The following TAFA2 variants were observed in gnomAD, a reference collection of about 807,000 sequenced individuals.
The protein encoded by TAFA2 is TAFA chemokine like family member 2, also known as chemokine-like protein TAFA-2.
In TAFA2, 7 loss-of-function variants were observed where a neutral mutation model predicts 18.8. The observed-to-expected ratio is 0.37, with a 90% CI of 0.21 to 0.70. The LOEUF (loss-of-function observed/expected upper bound fraction) is 0.70. Among genes scored for constraint, TAFA2 ranks in the 30% least tolerant of loss-of-function variants. The probability of loss-of-function intolerance (pLI) is 0.53; values close to 1 mark genes in which losing one functional copy is unlikely to be tolerated. For missense variants in TAFA2, 122 were observed against 158.1 expected, an observed-to-expected ratio of 0.77 and a Z score of 1.23; for synonymous variants, 60 against 54.2, an observed-to-expected ratio of 1.11 and a Z score of -0.47.
At chr12:62,217,631 T>A (rs909576522) in intron 1 of TAFA2, among the ~76,000 whole-genome samples, 1 of 152,194 alleles carries the variant, frequency 6.6e-6, no homozygotes, top group Non-Finnish European at 1.5e-5. Context: ...CAGCCCTTCC[T>A]TCAAAGTAGG....
intron 1 of TAFA2, chr12:62,258,519 C>G (rs1483578034): frequency 6.5e-6 from 1 of 154,286 alleles, no homozygotes; most frequent in African/African-American, 2.4e-5. Context: ...GCCTTCAAAG[C>G]CCCTAACACC....
At chr12:61,965,027 T>C (rs1879020759) in intron 1 of TAFA2, among the ~76,000 whole-genome samples, 1 of 151,848 alleles carries the variant, frequency 6.6e-6, no homozygotes, top group African/African-American at 2.4e-5. Context: ...ATCAAGAAGG[T>C]AGAATAGACG....
intron 1 of TAFA2, among the ~76,000 whole-genome samples, chr12:62,081,550 T>A (rs1436618862): frequency 6.6e-6 from 1 of 152,072 alleles, no homozygotes; most frequent in African/African-American, 2.4e-5. Flanking sequence ...GGTGGTGCAA[T>A]CTCGACTCAC....
chr12:62,132,612 T>C (rs1294529988), intron 1 of TAFA2, among the ~76,000 whole-genome samples: 2 of 152,016 alleles, frequency 1.3e-5, no homozygotes, highest in Admixed American at 1.3e-4. Flanking sequence ...AAGTAATTTG[T>C]TTTAAAATGT....
Position 61,835,784 on chromosome 12 carries a change from G to T in TAFA2, c.106+31536C>A, listed in dbSNP as rs559760748. ...AAGTAAAATATTACTGAATAAAATG[G>T]TGCAAACATTTTGTTCCTTCCTTCA... On this transcript the variant is annotated intron_variant, in intron 2 of 4. Coordinates refer to ENST00000416284, the MANE Select transcript of TAFA2 (RefSeq NM_178539.5). Among the ~76,000 whole-genome samples, 17 of 151,916 alleles carry T rather than the reference G, an allele frequency of 1.1e-4. No homozygotes were observed. The East Asian group carries it at 3.3e-3, about 30-fold the overall frequency.
chr12:62,115,276 C>T (rs936059810), intron 1 of TAFA2, among the ~76,000 whole-genome samples: 2 of 152,132 alleles, frequency 1.3e-5, no homozygotes, highest in African/African-American at 4.8e-5. Flanking sequence ...CCCCAGGCCC[C>T]ACTTTCCAAG....
At chr12:62,210,452 T>C (rs1431916496) in intron 1 of TAFA2, among the ~76,000 whole-genome samples, 1 of 152,214 alleles carries the variant, frequency 6.6e-6, no homozygotes, top group Non-Finnish European at 1.5e-5. Flanking sequence ...TCATTCAACA[T>C]TGTCAAAATG....
chr12:61,880,202 A>G, intron 1 of TAFA2: 1 of 507,498 alleles, frequency 2.0e-6, no homozygotes, highest in Non-Finnish European at 3.7e-6. Context: ...GATGCTGGCC[A>G]GGAAGCACGG....
intron 1 of TAFA2, chr12:62,234,853 A>T: frequency 9.5e-7 from 1 of 1,052,566 alleles, no homozygotes; most frequent in Non-Finnish European, 1.5e-6. Context: ...TCCTAAAACC[A>T]GCAATGACTG....
chr12:61,891,267 A>G (rs1264010300), intron 1 of TAFA2, among the ~76,000 whole-genome samples: 2 of 152,204 alleles, frequency 1.3e-5, no homozygotes, highest in African/African-American at 4.8e-5. Flanking sequence ...CAGCAGCAGA[A>G]GCAGAGGCAG....
At chr12:62,168,945 T>TCC (rs1555195550) in intron 1 of TAFA2, among the ~76,000 whole-genome samples, 1 of 148,836 alleles carries the variant, frequency 6.7e-6, no homozygotes, top group Admixed American at 6.7e-5. Context: ...ACTCACTCTC[T>TCC]ACACACACAC....
intron 1 of TAFA2, among the ~76,000 whole-genome samples, chr12:62,058,818 C>G (rs1882257997): frequency 6.6e-6 from 1 of 152,102 alleles, no homozygotes; most frequent in South Asian, 2.1e-4. Context: ...AAAAATATAT[C>G]TGAGTGCGGG....
chr12:62,182,724 G>A lies in TAFA2; in HGVS notation c.-2+8535C>T, dbSNP rs1193620750. On this transcript the variant is annotated intron_variant, in intron 1 of 4. Coordinates refer to ENST00000416284, the MANE Select transcript of TAFA2 (RefSeq NM_178539.5). Reference sequence around the variant, plus strand: ...CCATTTGTGTCACCCTCCATTTGAGGACAGACCTTGTGAGCTAGAATCAAT... The same window carrying A: ...CCATTTGTGTCACCCTCCATTTGAGAACAGACCTTGTGAGCTAGAATCAAT... 2.0e-5 allele frequency among the ~76,000 whole-genome samples: 3 copies of A among 152,144 alleles called. No individual in the cohort carries two copies. The East Asian group carries it at 5.8e-4, about 29-fold the overall frequency.
At chr12:61,931,221 G>A (rs561760612) in intron 1 of TAFA2, among the ~76,000 whole-genome samples, 62 of 152,142 alleles carry the variant, frequency 4.1e-4, no homozygotes, top group African/African-American at 1.5e-3. Context: ...CATTTCATGT[G>A]TTATCTTTCA....
intron 1 of TAFA2, among the ~76,000 whole-genome samples, chr12:62,125,905 G>A (rs927118215): frequency 1.3e-5 from 2 of 152,012 alleles, no homozygotes; most frequent in East Asian, 1.9e-4. Flanking sequence ...GGGATATACT[G>A]AGGCATTATT....
At chr12:61,785,417 T>G (rs1485333650) in intron 2 of TAFA2, among the ~76,000 whole-genome samples, 2 of 150,990 alleles carry the variant, frequency 1.3e-5, no homozygotes, top group African/African-American at 4.9e-5. Flanking sequence ...ACACCTAAGT[T>G]GTTTCCATAT....
intron 1 of TAFA2, among the ~76,000 whole-genome samples, chr12:62,073,415 G>A (rs950736586): frequency 1.1e-4 from 16 of 150,374 alleles, no homozygotes; most frequent in African/African-American, 3.9e-4. Context: ...TATATTATAG[G>A]TAGGTGTTAT....
At chr12:61,901,367 G>A (rs1437965790) in intron 1 of TAFA2, among the ~76,000 whole-genome samples, 4 of 5,496 alleles carry the variant, frequency 7.3e-4, no homozygotes, top group Non-Finnish European at 1.3e-3. Context: ...ATGCTGGTGC[G>A]CTGCACCCAC....
chr12:62,162,896 T>C (rs2062415230), intron 1 of TAFA2, among the ~76,000 whole-genome samples: 1 of 151,922 alleles, frequency 6.6e-6, no homozygotes, highest in Non-Finnish European at 1.5e-5. Context: ...CCAGAGTTCA[T>C]GGAAGAAATG....
Sources: allele counts gnomAD v4.1 joint callset (sites outside exome capture counted in the v4.1 genomes callset), GRCh38; gene constraint gnomAD v4.1.1; transcripts MANE v1.5; gene names NCBI Gene and HGNC (gene_info 2026-07-23, HGNC 2026-07-21).